The following SLC5A4 variants were observed in gnomAD, a reference collection of about 807,000 sequenced individuals.
SLC5A4 encodes the protein probable glucose sensor protein SLC5A4.
Under a neutral mutation model 70.3 loss-of-function variants are expected in SLC5A4, and 55 were observed. The observed-to-expected ratio is 0.78, with a 90% CI of 0.63 to 0.98. The LOEUF (loss-of-function observed/expected upper bound fraction) is 0.98. Among genes scored for constraint, SLC5A4 ranks in the 50% least tolerant of loss-of-function variants. SLC5A4 has a pLI of 0.00. For missense variants in SLC5A4, 735 were observed against 839.2 expected, an observed-to-expected ratio of 0.88 and a Z score of 1.53; for synonymous variants, 268 against 305.7, an observed-to-expected ratio of 0.88 and a Z score of 1.29.
chr22:32,251,903 G>A, intron 2 of SLC5A4, 29 bp from the exon 3 acceptor site: 2 of 1,506,706 alleles, frequency 1.3e-6, no homozygotes, highest in Non-Finnish European at 9.2e-7. Flanking sequence ...GACTAGGGTT[G>A]GAGTTAAAAG....
the SLC5A4 span, among the ~76,000 whole-genome samples, chr22:32,285,718 T>TTTTAC: frequency 2.6e-5 from 2 of 77,794 alleles, no homozygotes; most frequent in African/African-American, 5.3e-5. Context: ...TTTATTTTTA[T>TTTTAC]TTTATTTTAT....
the SLC5A4 span, among the ~76,000 whole-genome samples, chr22:32,305,637 C>T: frequency 4.3e-5 from 6 of 138,718 alleles, no homozygotes; most frequent in Admixed American, 1.6e-4. Flanking sequence ...CTCCTGCTGG[C>T]GGGTGGGGCC....
At chr22:32,277,553 A>T in the SLC5A4 span, among the ~76,000 whole-genome samples, 4 of 151,822 alleles carry the variant, frequency 2.6e-5, no homozygotes, top group African/African-American at 9.7e-5. Context: ...GTATTTACTT[A>T]TTTATTTTTT....
chr22:32,333,103 G>A, the SLC5A4 span, among the ~76,000 whole-genome samples: 1 of 152,054 alleles, frequency 6.6e-6, no homozygotes, highest in Non-Finnish European at 1.5e-5. Flanking sequence ...GAGGAGGGAC[G>A]TGGCCTGCCC....
At chr22:32,303,178 C>A in the SLC5A4 span, among the ~76,000 whole-genome samples, 2 of 152,162 alleles carry the variant, frequency 1.3e-5, no homozygotes, top group Admixed American at 6.6e-5. Flanking sequence ...AAGATCCTCA[C>A]GACACGTGTC....
upstream of SLC5A4, among the ~76,000 whole-genome samples, chr22:32,255,939 G>A (rs577948368): frequency 9.9e-5 from 15 of 152,284 alleles, no homozygotes; most frequent in South Asian, 2.9e-3. Flanking sequence ...TCAGAGGGTT[G>A]TACAAAGAGT....
At chr22:32,291,771 C>A in the SLC5A4 span, among the ~76,000 whole-genome samples, 72,627 of 150,412 alleles carry the variant, frequency 0.48, 17,630 homozygotes, top group Admixed American at 0.52. Flanking sequence ...TGACCTTAGC[C>A]TATTTATATT....
chr22:32,274,143 C>T, the SLC5A4 span, among the ~76,000 whole-genome samples: 2 of 151,878 alleles, frequency 1.3e-5, no homozygotes, highest in Non-Finnish European at 2.9e-5. Context: ...GGGTTCACAC[C>T]GTTCTCCCGC....
rs1348329678 is a variant in SLC5A4 at position 32,218,615 on chromosome 22, G to A, written c.1879C>T (p.Leu627Phe). ...KEEEEALSKK[L>F]TDTSERPSWR... ...GAGGGCCTCTCAGACGTGTCTGTGA[G>A]CTTCTTGCTCAAGGCTTCCTCCTCC... The change falls in exon 15 of 15, where the codon CTC becomes TTC. Residue 627 changes from leucine to phenylalanine, a missense_variant. Transcript: ENST00000266086. The A allele has an allele frequency of 2.5e-6, 4 of 1,613,830 alleles. No individual in the cohort carries two copies. Among genetic ancestry groups the A allele is most frequent in the Non-Finnish European group, 2.5e-6 (3 of 1,179,950 alleles).
At chr22:32,307,607 C>T in the SLC5A4 span, among the ~76,000 whole-genome samples, 1 of 152,180 alleles carries the variant, frequency 6.6e-6, no homozygotes, top group African/African-American at 2.4e-5. Context: ...CGCCTGACTG[C>T]TTAACATTTG....
the SLC5A4 span, among the ~76,000 whole-genome samples, chr22:32,307,348 G>A: frequency 2.0e-5 from 3 of 152,186 alleles, no homozygotes; most frequent in Non-Finnish European, 4.4e-5. Context: ...GGGGTGGTGG[G>A]AGCAATGACA....
chr22:32,291,342 A>G, the SLC5A4 span, among the ~76,000 whole-genome samples: 4 of 151,190 alleles, frequency 2.6e-5, no homozygotes, highest in South Asian at 8.4e-4. Context: ...TGCCTGGCCA[A>G]TTTTTTGTAT....
chr22:32,335,615 G>A, the SLC5A4 span, among the ~76,000 whole-genome samples: 17 of 152,248 alleles, frequency 1.1e-4, no homozygotes, highest in East Asian at 2.5e-3. Context: ...GATGCAACTT[G>A]CCCAAGGACA....
At chr22:32,289,460 T>C in the SLC5A4 span, among the ~76,000 whole-genome samples, 2 of 152,200 alleles carry the variant, frequency 1.3e-5, no homozygotes, top group Admixed American at 6.5e-5. Flanking sequence ...GATGGTTTTA[T>C]AAGGGGCTGC....
the SLC5A4 span, among the ~76,000 whole-genome samples, chr22:32,350,814 C>T: frequency 1.3e-5 from 2 of 149,838 alleles, no homozygotes; most frequent in African/African-American, 4.9e-5. Context: ...AAATTATAGA[C>T]CTTATATATT....
chr22:32,311,332 G>C, the SLC5A4 span, among the ~76,000 whole-genome samples: 1 of 151,940 alleles, frequency 6.6e-6, no homozygotes, highest in East Asian at 1.9e-4. Context: ...TGAGGAAACT[G>C]GGTCAGAGGA....
At chr22:32,340,175 G>C in the SLC5A4 span, among the ~76,000 whole-genome samples, 1 of 152,116 alleles carries the variant, frequency 6.6e-6, no homozygotes, top group Non-Finnish European at 1.5e-5. Context: ...AATGAGGCTC[G>C]GGATGGCCAA....
chr22:32,351,748 C>CGGG, the SLC5A4 span, among the ~76,000 whole-genome samples: 3 of 11,836 alleles, frequency 2.5e-4, no homozygotes, highest in African/African-American at 8.2e-4. Context: ...GGGGGGAGGG[C>CGGG]GGGGGGGGGG....
the SLC5A4 span, among the ~76,000 whole-genome samples, chr22:32,326,980 G>A: frequency 4.6e-5 from 7 of 152,316 alleles, no homozygotes; most frequent in East Asian, 1.9e-4. Context: ...GCAGGGCCCC[G>A]TGCTGCTGAT....
Sources: allele counts gnomAD v4.1 joint callset (sites outside exome capture counted in the v4.1 genomes callset), GRCh38; gene constraint gnomAD v4.1.1; transcripts MANE v1.5; gene names NCBI Gene and HGNC (gene_info 2026-07-23, HGNC 2026-07-21).